The following CERS3 variants were observed in gnomAD, a reference collection of about 807,000 sequenced individuals.
CERS3 encodes LAG1 homolog, ceramide synthase 3.
In CERS3, 33 loss-of-function variants were observed where a neutral mutation model predicts 50.3. That is an observed-to-expected ratio of 0.66 (90% CI 0.50 to 0.88). CERS3 has a LOEUF of 0.88. Ranked by LOEUF, CERS3 falls within the 40% of genes least tolerant of loss-of-function variation. CERS3 has a pLI of 0.00. For synonymous variants in CERS3, 176 were observed against 155.2 expected (o/e 1.13, Z -0.99); for missense variants, 470 against 460.3 (o/e 1.02, Z -0.19).
intron 11 of CERS3, among the ~76,000 whole-genome samples, chr15:100,449,109 C>T (rs970997628): frequency 2.0e-5 from 3 of 152,216 alleles, no homozygotes; most frequent in African/African-American, 7.2e-5. Context: ...ACTCCCTCCC[C>T]CTACTGCCCA....
intron 5 of CERS3, among the ~76,000 whole-genome samples, chr15:100,481,291 C>T (rs145292056): frequency 1.2e-3 from 184 of 152,272 alleles, no homozygotes; most frequent in African/African-American, 4.2e-3. Flanking sequence ...CTAAGCTAGA[C>T]GACAGTCTTT....
At chr15:100,432,312 C>G (rs1279556086) in intron 11 of CERS3, among the ~76,000 whole-genome samples, 1 of 152,090 alleles carries the variant, frequency 6.6e-6, no homozygotes, top group Non-Finnish European at 1.5e-5. Context: ...CATTCTTAAA[C>G]AAAAGGCTGG....
chr15:100,537,951 G>A (rs1596833584), intron 1 of CERS3, among the ~76,000 whole-genome samples: 2 of 152,206 alleles, frequency 1.3e-5, no homozygotes, highest in East Asian at 1.9e-4. Context: ...TAGATACAAT[G>A]GTGGTACAGG....
intron 1 of CERS3, among the ~76,000 whole-genome samples, chr15:100,534,987 G>C (rs2142422933): frequency 6.6e-6 from 1 of 152,044 alleles, no homozygotes; most frequent in Admixed American, 6.5e-5. Flanking sequence ...CACCTTTCCA[G>C]ACTGAACCAA....
chr15:100,442,781 T>G (rs1243803283), intron 11 of CERS3, among the ~76,000 whole-genome samples: 1 of 152,194 alleles, frequency 6.6e-6, no homozygotes, highest in Non-Finnish European at 1.5e-5. Context: ...CCCGATCACC[T>G]CGGAAGCCCC....
intron 2 of CERS3, chr15:100,503,599 G>C (rs1162583129): frequency 2.3e-6 from 1 of 434,112 alleles, no homozygotes; most frequent in Non-Finnish European, 4.8e-6. Context: ...GTGCTGATTA[G>C]AGGAAGGTAT....
intron 1 of CERS3, among the ~76,000 whole-genome samples, chr15:100,528,386 C>A (rs888273996): frequency 1.3e-5 from 2 of 152,120 alleles, no homozygotes; most frequent in African/African-American, 2.4e-5. Context: ...CTGTGCTGAC[C>A]CCTTTCATTC....
upstream of CERS3, among the ~76,000 whole-genome samples, chr15:100,532,713 C>A (rs952809135): frequency 2.0e-5 from 3 of 152,102 alleles, no homozygotes; most frequent in Non-Finnish European, 4.4e-5. Flanking sequence ...GAGCTGTAAT[C>A]GGCCCAATAC....
chr15:100,454,770 T>C (rs1200515620), intron 11 of CERS3, among the ~76,000 whole-genome samples: 1 of 145,424 alleles, frequency 6.9e-6, no homozygotes, highest in Admixed American at 7.0e-5. Context: ...ATCAACATAG[T>C]GAAGAGACAA....
chr15:100,471,844 G>A (rs1418976477), intron 9 of CERS3, among the ~76,000 whole-genome samples: 3 of 152,208 alleles, frequency 2.0e-5, no homozygotes, highest in Non-Finnish European at 2.9e-5. Flanking sequence ...ATGGCTGCAA[G>A]TGACTTCTGG....
upstream of CERS3, among the ~76,000 whole-genome samples, chr15:100,532,923 C>G (rs142040217): frequency 8.1e-4 from 124 of 152,272 alleles, no homozygotes; most frequent in African/African-American, 2.8e-3. Context: ...AAGCCTATGT[C>G]TTATTGTCAT....
intron 2 of CERS3, chr15:100,503,700 G>A (rs1045240404): frequency 3.2e-5 from 15 of 470,766 alleles, no homozygotes; most frequent in African/African-American, 1.2e-4. Context: ...TGCTTCACCC[G>A]GGCACATGCC....
At chr15:100,498,040 T>C (rs2587777) in intron 3 of CERS3, among the ~76,000 whole-genome samples, 133,288 of 151,894 alleles carry the variant, frequency 0.88, 59,362 homozygotes, top group East Asian at 0.99. Flanking sequence ...ACTACAGGCA[T>C]GTGCCAACAC....
intron 11 of CERS3, among the ~76,000 whole-genome samples, chr15:100,417,237 AGC>A (rs2031994208): frequency 1.3e-5 from 2 of 151,714 alleles, no homozygotes; most frequent in Non-Finnish European, 2.9e-5. Flanking sequence ...ACCGTGCGTG[AGC>A]CGAAGCAGGG....
intron 5 of CERS3, among the ~76,000 whole-genome samples, chr15:100,483,356 A>G (rs115986052): frequency 0.015 from 2,313 of 152,280 alleles, 61 homozygotes; most frequent in African/African-American, 0.053. Flanking sequence ...CACGACTCAC[A>G]TGTTACCCCC....
chr15:100,440,630 G>A (rs1018836879), intron 11 of CERS3, among the ~76,000 whole-genome samples: 7 of 152,184 alleles, frequency 4.6e-5, no homozygotes, highest in African/African-American at 1.2e-4. Context: ...TGACTGGAGG[G>A]GGGGAACCTC....
At chr15:100,429,883 T>C (rs147886587) in intron 11 of CERS3, among the ~76,000 whole-genome samples, 67 of 152,236 alleles carry the variant, frequency 4.4e-4, no homozygotes, top group African/African-American at 1.6e-3. Flanking sequence ...GTGAGCACAA[T>C]AAATTTAAAG....
intron 3 of CERS3, among the ~76,000 whole-genome samples, chr15:100,499,407 A>T (rs2035931808): frequency 1.3e-5 from 2 of 152,244 alleles, no homozygotes; most frequent in Non-Finnish European, 1.5e-5. Context: ...GACACAAACT[A>T]TAACTTTCAA....
chr15:100,537,389 G>C (rs1475375011), intron 1 of CERS3, among the ~76,000 whole-genome samples: 4 of 152,228 alleles, frequency 2.6e-5, no homozygotes, highest in African/African-American at 7.2e-5. Flanking sequence ...CTGTTTGGCA[G>C]TGTATTAGTC....
Sources: allele counts gnomAD v4.1 joint callset (sites outside exome capture counted in the v4.1 genomes callset), GRCh38; gene constraint gnomAD v4.1.1; transcripts MANE v1.5; gene names NCBI Gene and HGNC (gene_info 2026-07-23, HGNC 2026-07-21).